Variants in VAV2 observed in about 807,000 individuals in gnomAD.
The protein encoded by VAV2 is guanine nucleotide exchange factor VAV2.
In VAV2, 67 loss-of-function variants were observed where a neutral mutation model predicts 132.5. The observed-to-expected ratio is 0.51, with a 90% confidence interval of 0.42 to 0.62. The LOEUF (loss-of-function observed/expected upper bound fraction) is 0.62. VAV2 is among the 20% of genes least tolerant of loss of function. The probability of loss-of-function intolerance (pLI) is 0.00; values close to 1 mark genes in which losing one functional copy is unlikely to be tolerated. For synonymous variants in VAV2, 492 were observed against 443.5 expected (o/e 1.11, Z -1.37); for missense variants, 938 against 1,153.6 (o/e 0.81, Z 2.71).
chr9:133,809,408 A>G (rs1173138221), intron 6 of VAV2, among the ~76,000 whole-genome samples: 1 of 152,152 alleles, frequency 6.6e-6, no homozygotes, highest in Non-Finnish European at 1.5e-5. Flanking sequence ...GCCTTCTAGA[A>G]TCCCAGGCTC....
intron 25 of VAV2, among the ~76,000 whole-genome samples, chr9:133,772,458 T>C (rs543348490): frequency 3.3e-5 from 5 of 152,316 alleles, no homozygotes; most frequent in Admixed American, 1.3e-4. Flanking sequence ...GCCTCGGGCC[T>C]GCTCCTCAGA....
In VAV2 at chr9:133,763,884, C is replaced by T; in HGVS notation, c.*178G>A. 2.7e-6 allele frequency: 2 copies of T among 728,540 alleles called. No homozygotes were observed. Among genetic ancestry groups the T allele is most frequent in the Non-Finnish European group, 4.6e-6 (2 of 438,134 alleles). 45.1% of individuals were successfully genotyped at this position (728,540 alleles called of 1,614,324 possible). On this transcript the variant is annotated 3_prime_UTR_variant, in exon 30 of 30. Coordinates refer to ENST00000371850, the MANE Select transcript of VAV2 (RefSeq NM_001134398.2). This position sits in a 1 kb window ranked among gnomAD's most constrained non-coding sequence, Gnocchi z 6.8. ...ATACCCAGTGATGGGTCGCCGAGGG[C>T]AGGCTGACAGTGAAACGGTTCGAGT...
At position 133,769,348 on chromosome 9, in the gene VAV2, C is replaced by T. The variant is rs1833538201; in HGVS notation, c.2434+69G>A. On this transcript the variant is annotated intron_variant, in intron 28 of 29. Coordinates refer to ENST00000371850, the MANE Select transcript of VAV2 (RefSeq NM_001134398.2). This position sits in a 1 kb window ranked among gnomAD's most constrained non-coding sequence, Gnocchi z 8.1. ...GCAGGGCTGTGGGGCCAGTGGGCAG[C>T]TCCGTGCTGGGTCTCCCAAGGCAGC... The T allele has an allele frequency of 6.7e-7, 1 of 1,496,478 alleles. No homozygotes were observed. Among genetic ancestry groups the T allele is most frequent in the Non-Finnish European group, 9.0e-7 (1 of 1,105,248 alleles). 92.7% of individuals were successfully genotyped at this position (1,496,478 alleles called of 1,614,324 possible).
chr9:133,830,853 G>A (rs1042804309), intron 4 of VAV2, among the ~76,000 whole-genome samples: 1 of 151,912 alleles, frequency 6.6e-6, no homozygotes, highest in Non-Finnish European at 1.5e-5. Context: ...AGGAGGAGGG[G>A]GAAAAACAAC....
At chr9:133,859,099 G>T (rs535031830) in intron 3 of VAV2, among the ~76,000 whole-genome samples, 1 of 152,142 alleles carries the variant, frequency 6.6e-6, no homozygotes, top group Non-Finnish European at 1.5e-5. Flanking sequence ...GGGGACGGAG[G>T]GGGTGGCCCG....
Position 133,939,319 on chromosome 9 carries a change from C to T in VAV2, c.205-100G>A, listed in dbSNP as rs1250196982. Reference sequence around the variant, plus strand: ...ACAGCAGCAAGCTCTGGCTTCCGTGCGCCAGCACATCCAAGCTCATTCCTG... The same window carrying T: ...ACAGCAGCAAGCTCTGGCTTCCGTGTGCCAGCACATCCAAGCTCATTCCTG... On this transcript the variant is annotated intron_variant, in intron 1 of 29. Coordinates refer to ENST00000371850, the MANE Select transcript of VAV2 (RefSeq NM_001134398.2). 4 of 1,036,676 alleles carry T rather than the reference C, an allele frequency of 3.9e-6. No individual in the cohort carries two copies. In the Admixed American group the frequency reaches 5.1e-5, roughly 13 times the overall value. 64.2% of individuals were successfully genotyped at this position (1,036,676 alleles called of 1,614,324 possible).
At chr9:133,786,517 C>T (rs545728458) in intron 16 of VAV2, among the ~76,000 whole-genome samples, 5 of 152,210 alleles carry the variant, frequency 3.3e-5, no homozygotes, top group Admixed American at 6.5e-5. Context: ...GAAGGATGAG[C>T]GCAGGGCCCC....
chr9:133,864,089 C>T (rs938562408), intron 2 of VAV2, among the ~76,000 whole-genome samples: 1 of 152,188 alleles, frequency 6.6e-6, no homozygotes, highest in Non-Finnish European at 1.5e-5. Context: ...CTTCCGATAT[C>T]GCAAATGTCA....
intron 2 of VAV2, among the ~76,000 whole-genome samples, chr9:133,873,663 G>A (rs557791121): frequency 1.3e-5 from 2 of 152,338 alleles, no homozygotes; most frequent in South Asian, 4.1e-4. Flanking sequence ...TGAGGCAGCT[G>A]CATCAGGCGG....
intron 2 of VAV2, among the ~76,000 whole-genome samples, chr9:133,875,259 C>T (rs1282742935): frequency 6.6e-6 from 1 of 152,200 alleles, no homozygotes; most frequent in Non-Finnish European, 1.5e-5. Flanking sequence ...CCGAACCCTC[C>T]GTGCCAAGGC....
At chr9:133,792,678 A>ACCCCCCCCCCCCCCCCC (rs199592841) in intron 12 of VAV2, among the ~76,000 whole-genome samples, 2 of 118,660 alleles carry the variant, frequency 1.7e-5, no homozygotes, top group African/African-American at 6.5e-5. Flanking sequence ...CCCCCAAGGG[A>ACCCCCCCCCCCCCCCCC]CCCCCCCCCC....
Position 133,905,433 on chromosome 9 carries a change from CAA to C in VAV2, c.321+33668_321+33669del, listed in dbSNP as rs5901029. 8.5e-3 allele frequency among the ~76,000 whole-genome samples: 959 copies of C among 113,272 alleles called. 12 individuals are homozygous for C. Among genetic ancestry groups the C allele is most frequent in the African/African-American group, 0.026 (742 of 28,214 alleles). The allele number at this position is 113,272 out of a possible 152,430, so 74.3% of individuals were successfully genotyped here. Reference sequence around the variant, plus strand: ...CCTGGGTGACAGAGTGAAACTGTCTCAAAAAAAAAAAAAAAAAGAAACAAAAG... The same window carrying C: ...CCTGGGTGACAGAGTGAAACTGTCTCAAAAAAAAAAAAAAAGAAACAAAAG... On this transcript the variant is annotated intron_variant, in intron 2 of 29. Transcript: ENST00000371850.
In VAV2 at chr9:133,797,797, G is replaced by A. The variant is rs777750288; in HGVS notation, c.849C>T (p.Tyr283=). 15 of 1,613,842 alleles carry A rather than the reference G, an allele frequency of 9.3e-6. No homozygotes were observed. The highest frequency in any genetic ancestry group is 1.3e-5 in the African/African-American group (1 of 74,938). ...GCTCCATGTGGCTGCAGTACTCCCCGTAGATCAGAAGCCTGGACGGTGCAC... is the reference window on the plus strand; with the variant it reads ...GCTCCATGTGGCTGCAGTACTCCCCATAGATCAGAAGCCTGGACGGTGCAC... ...FLDFKERLLI[Y]GEYCSHMEHA... is the part of the protein sequence containing the mutation. Residue 283 remains tyrosine, a synonymous_variant, in exon 10 of 30, where the codon TAC becomes TAT. Coordinates refer to ENST00000371850, the MANE Select transcript of VAV2 (RefSeq NM_001134398.2).
chr9:133,902,088 C>G (rs1056758026), intron 2 of VAV2, among the ~76,000 whole-genome samples: 1 of 148,544 alleles, frequency 6.7e-6, no homozygotes, highest in Admixed American at 6.8e-5. Context: ...GACACAGTTT[C>G]GTCAGGACCA....
intron 9 of VAV2, among the ~76,000 whole-genome samples, chr9:133,803,657 G>A (rs967888046): frequency 6.6e-6 from 1 of 152,200 alleles, no homozygotes; most frequent in Non-Finnish European, 1.5e-5. Context: ...CTCAAAAAGA[G>A]GGAGGTGACT....
chr9:133,811,245 C>A (rs1284852351), intron 5 of VAV2, among the ~76,000 whole-genome samples: 2 of 152,254 alleles, frequency 1.3e-5, no homozygotes, highest in African/African-American at 4.8e-5. Context: ...AGACCCCCAG[C>A]CCTGCACCTG....
chr9:133,849,100 GTT>G (rs1837067912), intron 3 of VAV2, among the ~76,000 whole-genome samples: 1 of 152,192 alleles, frequency 6.6e-6, no homozygotes, highest in Non-Finnish European at 1.5e-5. Context: ...TGTTTTGCTT[GTT>G]ACAGAGTAAA....
intron 2 of VAV2, among the ~76,000 whole-genome samples, chr9:133,931,446 G>A (rs181385643): frequency 1.3e-5 from 2 of 152,172 alleles, no homozygotes; most frequent in African/African-American, 2.4e-5. Context: ...CTGCTCAGGA[G>A]AAACACGTCC....
At chr9:133,877,581 G>C (rs896514340) in intron 2 of VAV2, among the ~76,000 whole-genome samples, 3 of 152,200 alleles carry the variant, frequency 2.0e-5, no homozygotes, top group African/African-American at 7.2e-5. Flanking sequence ...ACATCAGCTA[G>C]ATGGTCTGAT....
Sources: allele counts gnomAD v4.1 joint callset (sites outside exome capture counted in the v4.1 genomes callset), GRCh38; gene constraint gnomAD v4.1.1; non-coding constraint Gnocchi (gnomAD v3.1); transcripts MANE v1.5; gene names NCBI Gene and HGNC (gene_info 2026-07-23, HGNC 2026-07-21).